The following UBAP2 variants were observed in gnomAD, a reference collection of about 807,000 sequenced individuals.
UBAP2 encodes the protein ubiquitin associated protein 2.
Under a neutral mutation model 139.6 loss-of-function variants are expected in UBAP2, and 75 were observed. The observed-to-expected ratio is 0.54, with a 90% CI of 0.45 to 0.65. UBAP2 has a LOEUF of 0.65. Among genes scored for constraint, UBAP2 ranks in the 30% least tolerant of loss-of-function variants. The probability of loss-of-function intolerance (pLI) is 0.00; values close to 1 mark genes in which losing one functional copy is unlikely to be tolerated. For synonymous variants in UBAP2, 526 were observed against 526.2 expected, an observed-to-expected ratio of 1.00 and a Z score of 0.01; for missense variants, 1,368 against 1,369.6, an observed-to-expected ratio of 1.00 and a Z score of 0.02.
At chr9:34,011,727 C>A (rs1823763369) in intron 2 of UBAP2, 1 of 841,366 alleles carries the variant, frequency 1.2e-6, no homozygotes, top group Non-Finnish European at 1.4e-6. Flanking sequence ...AAGGTCAGTG[C>A]ACCCTCCCCT....
chr9:33,967,254 T>G (rs928318478), intron 8 of UBAP2, among the ~76,000 whole-genome samples: 1 of 152,200 alleles, frequency 6.6e-6, no homozygotes, highest in Non-Finnish European at 1.5e-5. Flanking sequence ...GTCTACAGAT[T>G]CTTTTACACA....
intron 16 of UBAP2, 152 bp from the exon 17 acceptor site, chr9:33,936,030 C>A: frequency 1.0e-6 from 1 of 953,636 alleles, no homozygotes; most frequent in Non-Finnish European, 1.5e-6. Flanking sequence ...ACAACAAACT[C>A]TCATGCAAGA....
At chr9:33,924,392 T>C in intron 22 of UBAP2, 108 bp from the exon 23 acceptor site, 1 of 1,091,988 alleles carries the variant, frequency 9.2e-7, no homozygotes, top group East Asian at 2.4e-5. Context: ...ACAGACTCCA[T>C]GCCTGAGAGC....
At chr9:33,929,510 CT>C (rs1432822040) in intron 19 of UBAP2, among the ~76,000 whole-genome samples, 2 of 152,156 alleles carry the variant, frequency 1.3e-5, no homozygotes, top group Non-Finnish European at 1.5e-5. Context: ...GGAGAAGATG[CT>C]AAGATTTCCT....
At chr9:33,935,965 C>T (rs1824475624) in intron 16 of UBAP2, 87 bp from the exon 17 acceptor site, 1 of 1,209,688 alleles carries the variant, frequency 8.3e-7, no homozygotes, top group Admixed American at 2.3e-5. Flanking sequence ...CAACATGTAG[C>T]TTAATCAAGA....
rs550832553 is a variant in UBAP2 at position 34,042,472 on chromosome 9, C to T, written c.-42+6353G>A. Among the ~76,000 whole-genome samples, 70 of 107,276 alleles carry T rather than the reference C, an allele frequency of 6.5e-4. No individual in the cohort carries two copies. In the East Asian group the frequency reaches 0.017, roughly 26 times the overall value. The allele number at this position is 107,276 out of a possible 152,430, so 70.4% of individuals were successfully genotyped here. A position where few individuals can be genotyped will look rare whatever the true frequency, so the allele number is the denominator to read the frequency against. On this transcript the variant is annotated intron_variant, in intron 1 of 28. Transcript: ENST00000379238. The stretch of plus-strand genomic sequence containing the variant: ...CAGCCCAGGCGATAGTGCAAGACTC[C>T]GTCTCAAAAAAAAAAAAAAAAAAAG...
chr9:33,968,453 G>A (rs1185794099), intron 8 of UBAP2: 1 of 556,868 alleles, frequency 1.8e-6, no homozygotes, highest in African/African-American at 1.9e-5. Flanking sequence ...GTGCAGCCTG[G>A]TCGGCTTCTT....
intron 22 of UBAP2, 58 bp downstream of exon 22, chr9:33,926,559 G>C (rs1363843242): frequency 9.4e-6 from 15 of 1,589,932 alleles, no homozygotes; most frequent in East Asian, 6.7e-5. Flanking sequence ...GACCATAAGA[G>C]GGGGGACATG....
chr9:33,975,584 GT>G (rs1189059345), intron 6 of UBAP2, among the ~76,000 whole-genome samples: 1 of 151,026 alleles, frequency 6.6e-6, no homozygotes, highest in Non-Finnish European at 1.5e-5. Context: ...GGATCACAAG[GT>G]CAGGAGATCG....
intron 2 of UBAP2, among the ~76,000 whole-genome samples, chr9:34,005,444 A>G (rs2131223011): frequency 2.6e-5 from 4 of 151,552 alleles, no homozygotes; most frequent in Admixed American, 2.6e-4. Flanking sequence ...CAAAAAAAAA[A>G]AAAAAAAAAA....
chr9:33,990,312 A>C (rs1821591359), intron 4 of UBAP2, among the ~76,000 whole-genome samples: 1 of 152,242 alleles, frequency 6.6e-6, no homozygotes, highest in Non-Finnish European at 1.5e-5. Flanking sequence ...TCCAAAGTAA[A>C]CATTAGCACT....
chr9:34,029,002 C>A (rs951665964), intron 1 of UBAP2, among the ~76,000 whole-genome samples: 17 of 151,864 alleles, frequency 1.1e-4, no homozygotes, highest in African/African-American at 4.1e-4. Context: ...TGGAATCCCA[C>A]CCATTCAGGA....
At chr9:33,924,445 G>A (rs1823245404) in intron 22 of UBAP2, among the ~76,000 whole-genome samples, 161 bp from the exon 23 acceptor site, 1 of 152,214 alleles carries the variant, frequency 6.6e-6, no homozygotes, top group African/African-American at 2.4e-5. Context: ...CCCCTCGGAA[G>A]AGTGTGCAAC....
At chr9:33,962,645 A>AAATAAAT (rs1827140515) in intron 9 of UBAP2, among the ~76,000 whole-genome samples, 1 of 139,216 alleles carries the variant, frequency 7.2e-6, no homozygotes, top group Non-Finnish European at 1.5e-5. Context: ...CTCTATCTCA[A>AAATAAAT]AAATAAATAA....
At position 33,953,250 on chromosome 9, in the gene UBAP2, T is replaced by C. The variant is rs375831328; in HGVS notation, c.1056+35A>G. 2,227 of 1,583,058 alleles carry C rather than the reference T, an allele frequency of 1.4e-3. 1 individual carries two copies. Among genetic ancestry groups the C allele is most frequent in the South Asian group, 1.8e-3 (157 of 88,494 alleles). ...GAATACATTTGCTAATGGGTATATT[T>C]CTTAAAATCCCACACTGAAATAAAA... On this transcript the variant is annotated intron_variant, in intron 12 of 28. Transcript: ENST00000379238.
chr9:34,026,555 GGGTCTCA>G (rs1272356920), intron 1 of UBAP2, among the ~76,000 whole-genome samples: 1 of 152,074 alleles, frequency 6.6e-6, no homozygotes, highest in Non-Finnish European at 1.5e-5. Flanking sequence ...TGGCAAGGAT[GGGTCTCA>G]GGTCCTTCAT....
chr9:33,927,687 C>T (rs1190947659), intron 20 of UBAP2, 110 bp downstream of exon 20: 1 of 1,152,442 alleles, frequency 8.7e-7, no homozygotes, highest in Non-Finnish European at 1.2e-6. Context: ...ACACGCAGCG[C>T]ACTCGGCGGG....
intron 8 of UBAP2, among the ~76,000 whole-genome samples, chr9:33,966,254 C>G (rs1827443960): frequency 6.6e-6 from 1 of 151,302 alleles, no homozygotes; most frequent in Non-Finnish European, 1.5e-5. Flanking sequence ...TCAATACTTA[C>G]CTGCCCAACA....
At chr9:34,006,339 A>G (rs2131227285) in intron 2 of UBAP2, among the ~76,000 whole-genome samples, 1 of 152,280 alleles carries the variant, frequency 6.6e-6, no homozygotes, top group Non-Finnish European at 1.5e-5. Context: ...ATGAAATTAG[A>G]ATATCAACAA....
Sources: gnomAD v4.1 joint callset for allele counts (sites outside exome capture counted in the v4.1 genomes callset) on GRCh38, gnomAD v4.1.1 for gene constraint, MANE v1.5 for transcripts, NCBI Gene and HGNC (gene_info 2026-07-23, HGNC 2026-07-21) for gene names.